IGSF10: variants seen among roughly 807,000 people sequenced by gnomAD.
The protein encoded by IGSF10 is immunoglobulin superfamily member 10, also known as calvaria mechanical force protein 608.
IGSF10 carries 126 observed loss-of-function variants against 128.2 expected under a neutral mutation model. The ratio of observed to expected loss-of-function variants is 0.98; its 90% CI spans 0.85 to 1.14. The LOEUF (loss-of-function observed/expected upper bound fraction) is 1.14. Ranked by LOEUF, IGSF10 falls within the 50% of genes most tolerant of loss-of-function variation. The pLI, the probability that IGSF10 is intolerant of heterozygous loss-of-function variation, is 0.00. For synonymous variants in IGSF10, 1,185 were observed against 1,146.2 expected (o/e 1.03, Z -0.68); for missense variants, 3,295 against 3,149.8 (o/e 1.05, Z -1.10).
the IGSF10 span, among the ~76,000 whole-genome samples, chr3:151,494,918 C>T: frequency 6.7e-6 from 1 of 148,680 alleles, no homozygotes; most frequent in Non-Finnish European, 1.5e-5. Flanking sequence ...TTTCAGAAAC[C>T]TTCTGGGAAA....
chr3:151,442,096 A>C (rs929032512), intron 7 of IGSF10, among the ~76,000 whole-genome samples: 3 of 152,178 alleles, frequency 2.0e-5, no homozygotes, highest in African/African-American at 7.2e-5. Context: ...ATAACAGACC[A>C]GAGAAAGTGT....
chr3:151,514,139 A>T, the IGSF10 span, among the ~76,000 whole-genome samples: 1 of 152,090 alleles, frequency 6.6e-6, no homozygotes, highest in Non-Finnish European at 1.5e-5. Flanking sequence ...TTCATATGGA[A>T]CCAAAAAAGA....
At chr3:151,438,657 A>C in intron 7 of IGSF10, 60 bp from the exon 8 acceptor site, 1 of 1,359,056 alleles carries the variant, frequency 7.4e-7, no homozygotes, top group Non-Finnish European at 1.0e-6. Flanking sequence ...AAACTGTTTT[A>C]CTCAGGATTG....
At chr3:151,586,738 T>C in the IGSF10 span, among the ~76,000 whole-genome samples, 1 of 152,208 alleles carries the variant, frequency 6.6e-6, no homozygotes, top group African/African-American at 2.4e-5. Context: ...TTCCAAATGT[T>C]TTCTGACCAG....
Position 151,448,333 on chromosome 3 carries a change from G to A in IGSF10, c.1648C>T (p.His550Tyr). The A allele has an allele frequency of 6.2e-7, 1 of 1,614,160 alleles. No homozygotes were observed. The highest frequency in any genetic ancestry group is 1.1e-5 in the South Asian group (1 of 91,082). The change falls in exon 6 of 8, where the codon CAC becomes TAC. Residue 550 changes from histidine (H) to tyrosine (Y), a missense_variant. Coordinates refer to ENST00000282466, the MANE Select transcript of IGSF10 (RefSeq NM_178822.5). ...MADSFDTGVY[H>Y]CISSNYDDAD... ...TCATCATAATTGCTGCTTATACAGT[G>A]ATATACGCCTGTGTCAAAACTATCA...
rs779615027 is a variant in IGSF10, at chr3:151,447,269, C to G, written c.2712G>C (p.Gln904His). The stretch of plus-strand genomic sequence containing the variant: ...TTCCTCTTCCCATCTGGTCAGAGTC[C>G]TGAAATTCAGTTGCTCCAAGTAGCA... Reference protein sequence around the residue: ...FPLLLGATEFQDSDQMGRGRE... With the variant: ...FPLLLGATEFHDSDQMGRGRE... The change falls in exon 6 of 8, where the codon CAG becomes CAC. Residue 904 changes from glutamine to histidine, a missense_variant. Coordinates refer to ENST00000282466, the MANE Select transcript of IGSF10 (RefSeq NM_178822.5). The G allele has an allele frequency of 6.2e-7, 1 of 1,614,166 alleles. No homozygotes were observed. Among genetic ancestry groups the G allele is most frequent in the South Asian group, 1.1e-5 (1 of 91,088 alleles).
the IGSF10 span, among the ~76,000 whole-genome samples, chr3:151,491,977 A>T: frequency 3.4e-5 from 5 of 146,832 alleles, no homozygotes; most frequent in Non-Finnish European, 7.4e-5. Flanking sequence ...ATTGCATCAA[A>T]ACCTCAGACC....
the IGSF10 span, among the ~76,000 whole-genome samples, chr3:151,485,818 G>T: frequency 6.6e-6 from 1 of 152,214 alleles, no homozygotes; most frequent in Non-Finnish European, 1.5e-5. Context: ...ACATAGAAAG[G>T]ATCAACCGGT....
chr3:151,436,569 C>T lies in IGSF10; in HGVS notation c.*120G>A. 2 of 660,412 alleles carry T rather than the reference C, an allele frequency of 3.0e-6. No homozygotes were observed. Among genetic ancestry groups the T allele is most frequent in the Non-Finnish European group, 5.1e-6 (2 of 391,646 alleles). 40.9% of individuals were successfully genotyped at this position (660,412 alleles called of 1,614,324 possible). On this transcript the variant is annotated 3_prime_UTR_variant, in exon 8 of 8. Transcript: ENST00000282466. Reference sequence around the variant, plus strand: ...TACAAGTCCTTTTATTTTGCATGTTCATTGTAAATTTAATACTGTAAATGT... The same window carrying T: ...TACAAGTCCTTTTATTTTGCATGTTTATTGTAAATTTAATACTGTAAATGT...
chr3:151,466,216 C>T, the IGSF10 span, among the ~76,000 whole-genome samples: 2 of 152,098 alleles, frequency 1.3e-5, no homozygotes, highest in South Asian at 2.1e-4. Flanking sequence ...AAAACTCTGG[C>T]GACCCCCAGA....
At chr3:151,560,975 G>A in the IGSF10 span, among the ~76,000 whole-genome samples, 6 of 152,084 alleles carry the variant, frequency 3.9e-5, no homozygotes, top group Admixed American at 3.9e-4. Flanking sequence ...GCTATTTATT[G>A]TATTTGTTCC....
At chr3:151,508,377 T>C in the IGSF10 span, among the ~76,000 whole-genome samples, 7 of 152,160 alleles carry the variant, frequency 4.6e-5, no homozygotes, top group African/African-American at 1.7e-4. Context: ...TTCTCTCTTT[T>C]GAACAAAAAT....
At chr3:151,612,994 T>G in the IGSF10 span, among the ~76,000 whole-genome samples, 2 of 152,174 alleles carry the variant, frequency 1.3e-5, no homozygotes, top group African/African-American at 4.8e-5. Context: ...TAGCTAAGTC[T>G]CAGGATACAA....
chr3:151,577,235 CTT>C, the IGSF10 span, among the ~76,000 whole-genome samples: 1 of 152,042 alleles, frequency 6.6e-6, no homozygotes, highest in Non-Finnish European at 1.5e-5. Context: ...TGAGCATAGT[CTT>C]ATAATCTTTA....
chr3:151,599,316 A>G, the IGSF10 span, among the ~76,000 whole-genome samples: 1 of 152,150 alleles, frequency 6.6e-6, no homozygotes, highest in African/African-American at 2.4e-5. Context: ...GGCCAGCACC[A>G]CACTAGGAGG....
chr3:151,467,290 TA>T, the IGSF10 span, among the ~76,000 whole-genome samples: 1 of 152,158 alleles, frequency 6.6e-6, no homozygotes, highest in African/African-American at 2.4e-5. Flanking sequence ...CCTTACAAAG[TA>T]AGACCTGATC....
the IGSF10 span, among the ~76,000 whole-genome samples, chr3:151,572,330 G>T: frequency 6.6e-6 from 1 of 152,140 alleles, no homozygotes; most frequent in Non-Finnish European, 1.5e-5. Context: ...GTAGAATTCG[G>T]CTGTGAATCC....
At chr3:151,456,114 G>T (rs1721778047) in intron 4 of IGSF10, among the ~76,000 whole-genome samples, 1 of 152,120 alleles carries the variant, frequency 6.6e-6, no homozygotes, top group Admixed American at 6.5e-5. Context: ...ATTCTATAAA[G>T]GACATGCAAT....
chr3:151,559,633 A>G, the IGSF10 span, among the ~76,000 whole-genome samples: 1 of 152,160 alleles, frequency 6.6e-6, no homozygotes, highest in East Asian at 1.9e-4. Context: ...TCAGAGTCAA[A>G]TAAAAGAATT....
Sources: allele counts gnomAD v4.1 joint callset (sites outside exome capture counted in the v4.1 genomes callset), GRCh38; gene constraint gnomAD v4.1.1; transcripts MANE v1.5; gene names NCBI Gene and HGNC (gene_info 2026-07-23, HGNC 2026-07-21).